Variants in CNTN5 observed in about 807,000 individuals in gnomAD.
CNTN5 encodes contactin-5.
In CNTN5, 77 loss-of-function variants were observed where a neutral mutation model predicts 129.1. The observed-to-expected ratio is 0.60, with a 90% CI of 0.50 to 0.72. CNTN5 has a LOEUF of 0.72. Ranked by LOEUF, CNTN5 falls within the 30% of genes least tolerant of loss-of-function variation. The pLI, the probability that CNTN5 is intolerant of heterozygous loss-of-function variation, is 0.00. For missense variants in CNTN5, 1,478 were observed against 1,328.8 expected (o/e 1.11, Z -1.75); for synonymous variants, 509 against 465.6 (o/e 1.09, Z -1.20).
chr11:100,150,196 CAATT>C (rs536991653), intron 13 of CNTN5, among the ~76,000 whole-genome samples: 5 of 151,934 alleles, frequency 3.3e-5, no homozygotes, highest in Non-Finnish European at 7.4e-5. Context: ...AGATTTTTCT[CAATT>C]AAATATATTA....
intron 3 of CNTN5, among the ~76,000 whole-genome samples, chr11:99,697,850 G>A (rs1325630722): frequency 6.6e-6 from 1 of 151,476 alleles, no homozygotes; most frequent in Non-Finnish European, 1.5e-5. Flanking sequence ...AAACTAAACA[G>A]CCAGTCATAT....
intron 2 of CNTN5, among the ~76,000 whole-genome samples, chr11:99,482,718 G>A (rs1437222440): frequency 6.6e-6 from 1 of 152,068 alleles, no homozygotes; most frequent in Admixed American, 6.6e-5. Context: ...AAACCTAGAA[G>A]AACTTGGGTA....
chr11:100,233,071 A>G (rs1009253155), intron 16 of CNTN5, among the ~76,000 whole-genome samples: 1 of 152,176 alleles, frequency 6.6e-6, no homozygotes, highest in African/African-American at 2.4e-5. Context: ...AATGTCACTA[A>G]CAAGTAGAAG....
intron 3 of CNTN5, among the ~76,000 whole-genome samples, chr11:99,779,006 C>G (rs1945221259): frequency 1.3e-5 from 2 of 151,646 alleles, no homozygotes; most frequent in South Asian, 4.1e-4. Context: ...TTAAACACAA[C>G]AATACTACCA....
chr11:99,246,238 G>C (rs770120177), intron 1 of CNTN5, among the ~76,000 whole-genome samples: 49 of 152,148 alleles, frequency 3.2e-4, no homozygotes, highest in Non-Finnish European at 5.3e-4. Context: ...AGGTAACGCT[G>C]TAAGAACTAG....
intron 13 of CNTN5, among the ~76,000 whole-genome samples, chr11:100,168,539 A>G (rs536826835): frequency 3.3e-5 from 5 of 152,102 alleles, no homozygotes; most frequent in Admixed American, 3.3e-4. Flanking sequence ...TGCTTTACTG[A>G]ATATTTTAAG....
chr11:99,935,371 G>A (rs1950292405), intron 7 of CNTN5, among the ~76,000 whole-genome samples: 2 of 151,702 alleles, frequency 1.3e-5, no homozygotes, highest in South Asian at 2.1e-4. Context: ...TTAGAGATTA[G>A]GTTTTTTTCA....
At chr11:99,087,854 A>T (rs994241174) in intron 1 of CNTN5, among the ~76,000 whole-genome samples, 1 of 152,168 alleles carries the variant, frequency 6.6e-6, no homozygotes, top group African/African-American at 2.4e-5. Flanking sequence ...CCTAAGACAC[A>T]GTCTTCTTCC....
intron 2 of CNTN5, among the ~76,000 whole-genome samples, chr11:99,522,261 G>T: frequency 6.6e-6 from 1 of 152,166 alleles, no homozygotes; most frequent in East Asian, 1.9e-4. Flanking sequence ...CCATCTTTTA[G>T]ATTACAACTG....
At chr11:100,314,222 C>G (rs895690157) in intron 21 of CNTN5, among the ~76,000 whole-genome samples, 6 of 152,072 alleles carry the variant, frequency 3.9e-5, no homozygotes, top group Admixed American at 2.0e-4. Flanking sequence ...TCACAGCTCT[C>G]CAGTGTTGGT....
intron 13 of CNTN5, among the ~76,000 whole-genome samples, chr11:100,086,650 A>T (rs1414220759): frequency 6.6e-6 from 1 of 151,496 alleles, no homozygotes; most frequent in Non-Finnish European, 1.5e-5. Context: ...CCGAACTAGA[A>T]ATAAAAATTC....
chr11:99,445,756 T>C (rs1290597469), intron 2 of CNTN5, among the ~76,000 whole-genome samples: 1 of 152,146 alleles, frequency 6.6e-6, no homozygotes, highest in Non-Finnish European at 1.5e-5. Context: ...CATTATTTAA[T>C]ATGTGGTTCA....
intron 3 of CNTN5, among the ~76,000 whole-genome samples, chr11:99,814,707 T>G (rs1946528805): frequency 6.6e-6 from 1 of 151,346 alleles, no homozygotes. Flanking sequence ...TGAAAGAGAG[T>G]GAAAGAGTGT....
At chr11:99,181,115 G>T (rs563895076) in intron 1 of CNTN5, among the ~76,000 whole-genome samples, 45 of 152,278 alleles carry the variant, frequency 3.0e-4, no homozygotes, top group African/African-American at 1.1e-3. Context: ...CCACCAGGGG[G>T]TCTGGTGCAT....
chr11:100,126,400 C>A (rs10894484), intron 13 of CNTN5, among the ~76,000 whole-genome samples: 28,038 of 151,962 alleles, frequency 0.18, 3,343 homozygotes, highest in African/African-American at 0.34. Flanking sequence ...TCCCCCTCTA[C>A]TATTGTGTGG....
chr11:99,574,619 T>C (rs1168980116), intron 3 of CNTN5, among the ~76,000 whole-genome samples: 2 of 152,220 alleles, frequency 1.3e-5, no homozygotes, highest in South Asian at 2.1e-4. Context: ...CATTAGATAG[T>C]ATCACATTTT....
At chr11:99,529,935 T>C (rs1947632333) in intron 2 of CNTN5, among the ~76,000 whole-genome samples, 1 of 152,204 alleles carries the variant, frequency 6.6e-6, no homozygotes, top group South Asian at 2.1e-4. Flanking sequence ...ATTTGCATAA[T>C]TGAAGTTTCC....
intron 3 of CNTN5, among the ~76,000 whole-genome samples, chr11:99,776,309 A>G (rs1565517699): frequency 6.6e-6 from 1 of 151,984 alleles, no homozygotes; most frequent in Non-Finnish European, 1.5e-5. Context: ...AAATGTCAGG[A>G]GAGCTTTTCA....
At chr11:100,116,942 A>G (rs1187862687) in intron 13 of CNTN5, among the ~76,000 whole-genome samples, 2 of 152,054 alleles carry the variant, frequency 1.3e-5, no homozygotes, top group East Asian at 3.9e-4. Flanking sequence ...CTGCCTTGAA[A>G]GAACATCACA....
Sources: allele counts gnomAD v4.1 joint callset (sites outside exome capture counted in the v4.1 genomes callset), GRCh38; gene constraint gnomAD v4.1.1; transcripts MANE v1.5; gene names NCBI Gene and HGNC (gene_info 2026-07-23, HGNC 2026-07-21).